Variants in ZNF331 observed in about 807,000 individuals in gnomAD.
ZNF331 encodes C2H2-like zinc finger protein rearranged in thyroid adenomas.
In ZNF331, 2 loss-of-function variants were observed where a neutral mutation model predicts 7.0. The ratio of observed to expected loss-of-function variants is 0.29; its 90% confidence interval spans 0.12 to 0.90. The LOEUF (loss-of-function observed/expected upper bound fraction) is 0.90. ZNF331 is among the 40% of genes least tolerant of loss of function. The pLI is 0.58. For missense variants in ZNF331, 432 were observed against 587.7 expected, an observed-to-expected ratio of 0.74 and a Z score of 2.74; for synonymous variants, 196 against 205.4, an observed-to-expected ratio of 0.95 and a Z score of 0.39.
At chr19:53,540,565 T>C (rs150980344) in intron 2 of ZNF331, among the ~76,000 whole-genome samples, 4,654 of 152,158 alleles carry the variant, frequency 0.031, 241 homozygotes, top group African/African-American at 0.11. Flanking sequence ...CCCGAGTAGC[T>C]GGGATTACAG....
At chr19:53,548,420 C>T (rs1442768806) in intron 2 of ZNF331, among the ~76,000 whole-genome samples, 1 of 151,958 alleles carries the variant, frequency 6.6e-6, no homozygotes, top group African/African-American at 2.4e-5. Flanking sequence ...CAATGCCCGA[C>T]TAATTTTTCA....
chr19:53,519,938 C>CA (rs1600175160), upstream of ZNF331, among the ~76,000 whole-genome samples: 1 of 152,158 alleles, frequency 6.6e-6, no homozygotes, highest in Non-Finnish European at 1.5e-5. Flanking sequence ...GCTGTATTTC[C>CA]AAGAACGCTC....
chr19:53,562,264 T>C (rs565798421), intron 3 of ZNF331, among the ~76,000 whole-genome samples: 8 of 152,308 alleles, frequency 5.3e-5, no homozygotes, highest in Middle Eastern at 3.4e-3. Flanking sequence ...ATATGGACTT[T>C]CTGGGTAACA....
chr19:53,506,432 C>CTG, the ZNF331 span, among the ~76,000 whole-genome samples: 8,719 of 90,882 alleles, frequency 0.096, 533 homozygotes, highest in African/African-American at 0.18. Flanking sequence ...CTCTCTCTCT[C>CTG]TCTCTCTCTC....
chr19:53,518,792 G>A (rs1393854862), upstream of ZNF331, among the ~76,000 whole-genome samples: 1 of 152,184 alleles, frequency 6.6e-6, no homozygotes, highest in Non-Finnish European at 1.5e-5. Flanking sequence ...CAGGCCCATT[G>A]GTCTTGCAAG....
At chr19:53,559,147 C>T (rs1036413403) in intron 3 of ZNF331, among the ~76,000 whole-genome samples, 1 of 142,528 alleles carries the variant, frequency 7.0e-6, no homozygotes, top group Admixed American at 6.9e-5. Flanking sequence ...TGTACACACA[C>T]ATATACACAC....
intron 2 of ZNF331, among the ~76,000 whole-genome samples, chr19:53,543,050 C>G (rs2088291692): frequency 6.6e-6 from 1 of 152,108 alleles, no homozygotes; most frequent in Admixed American, 6.5e-5. Context: ...CTCAGGTGAT[C>G]CACCTGCCTC....
intron 2 of ZNF331, among the ~76,000 whole-genome samples, chr19:53,550,802 G>T (rs1600336873): frequency 6.7e-6 from 1 of 149,524 alleles, no homozygotes; most frequent in African/African-American, 2.5e-5. Context: ...CTCCCAAAGT[G>T]CTAAGATTAC....
upstream of ZNF331, among the ~76,000 whole-genome samples, chr19:53,520,437 C>T (rs117252949): frequency 0.013 from 1,930 of 152,276 alleles, 19 homozygotes; most frequent in Non-Finnish European, 0.019. Context: ...ACTGTAGGCC[C>T]CTAGAGCCTG....
At chr19:53,548,811 CT>C (rs908515201) in intron 2 of ZNF331, among the ~76,000 whole-genome samples, 6 of 151,902 alleles carry the variant, frequency 3.9e-5, no homozygotes, top group African/African-American at 1.2e-4. Context: ...CTTTTTATGT[CT>C]TTAATCCATT....
chr19:53,507,418 A>G, the ZNF331 span, among the ~76,000 whole-genome samples: 1 of 152,134 alleles, frequency 6.6e-6, no homozygotes, highest in Admixed American at 6.5e-5. Context: ...TGCTTATGAC[A>G]CAGAAATGGT....
rs1239105902 is a variant in ZNF331, at chr19:53,526,948, TAG to T, written c.-205+4265_-205+4266del. Among the ~76,000 whole-genome samples the T allele has an allele frequency of 3.2e-3, 489 of 151,630 alleles. 10 individuals carry two copies. The East Asian group carries it at 0.07, about 22-fold the overall frequency. On this transcript the variant is annotated intron_variant, in intron 2 of 6. Transcript: ENST00000253144. The stretch of plus-strand genomic sequence containing the variant: ...GCCTCATGCTTGTAATCCAGCACTT[TAG>T]GAGGCCAAGGCAGGCGGATCACGAG...
At chr19:53,527,386 G>A (rs116071711) in intron 2 of ZNF331, among the ~76,000 whole-genome samples, 352 of 152,190 alleles carry the variant, frequency 2.3e-3, no homozygotes, top group African/African-American at 8.1e-3. Flanking sequence ...GATGTTGCAC[G>A]GCAAGGGAAA....
chr19:53,541,113 T>TTTTC (rs2088138584), intron 2 of ZNF331, among the ~76,000 whole-genome samples: 1 of 149,562 alleles, frequency 6.7e-6, no homozygotes. Flanking sequence ...TTCTTTTCTT[T>TTTTC]TTTTTTTTTT....
At chr19:53,527,690 A>G (rs1383626033) in intron 2 of ZNF331, among the ~76,000 whole-genome samples, 1 of 152,214 alleles carries the variant, frequency 6.6e-6, no homozygotes, top group Non-Finnish European at 1.5e-5. Context: ...TTCAAATCTT[A>G]GTTTGTGAAA....
the ZNF331 span, among the ~76,000 whole-genome samples, chr19:53,510,779 A>ATT: frequency 5.9e-5 from 9 of 151,824 alleles, no homozygotes; most frequent in Admixed American, 3.9e-4. Flanking sequence ...TATAATATTG[A>ATT]TTTTTTTTAC....
the ZNF331 span, among the ~76,000 whole-genome samples, chr19:53,506,911 T>C: frequency 6.6e-6 from 1 of 152,154 alleles, no homozygotes; most frequent in African/African-American, 2.4e-5. Flanking sequence ...AGGATTCCTA[T>C]GAGTGCCTCT....
chr19:53,503,403 G>A, the ZNF331 span: 1 of 522,700 alleles, frequency 1.9e-6, no homozygotes, highest in African/African-American at 1.9e-5. Flanking sequence ...TGGCTGCTGG[G>A]ATGTGGCCAT....
At chr19:53,522,053 C>G (rs1440150504) in exon 1 of ZNF331, 1 of 152,102 alleles carries the variant, frequency 6.6e-6, no homozygotes, top group African/African-American at 2.4e-5. Context: ...GAAGTAACCT[C>G]AAGAATAGAA....
Sources: allele counts gnomAD v4.1 joint callset (sites outside exome capture counted in the v4.1 genomes callset), GRCh38; gene constraint gnomAD v4.1.1; transcripts MANE v1.5; gene names NCBI Gene and HGNC (gene_info 2026-07-23, HGNC 2026-07-21).